The following ZBBX variants were observed in gnomAD, a reference collection of about 807,000 sequenced individuals.
ZBBX encodes the protein zinc finger B-box domain containing.
ZBBX carries 101 observed loss-of-function variants against 108.5 expected under a neutral mutation model. That is an observed-to-expected ratio of 0.93 (90% CI 0.79 to 1.10). The LOEUF (loss-of-function observed/expected upper bound fraction) is 1.10, where lower values mean the gene tolerates loss of function less well. ZBBX is among the 50% of genes least tolerant of loss of function. The pLI is 0.00. For missense variants in ZBBX, 1,009 were observed against 941.4 expected (o/e 1.07, Z -0.94); for synonymous variants, 356 against 323.4 (o/e 1.10, Z -1.08).
At chr3:167,206,713 G>A in the ZBBX span, among the ~76,000 whole-genome samples, 1 of 151,882 alleles carries the variant, frequency 6.6e-6, no homozygotes, top group South Asian at 2.1e-4. Flanking sequence ...AAAAGTTGGA[G>A]GCATCACATT....
chr3:167,330,937 C>CTT, intron 10 of ZBBX, among the ~76,000 whole-genome samples: 2 of 101,866 alleles, frequency 2.0e-5, no homozygotes, highest in Middle Eastern at 4.9e-3. Flanking sequence ...TCTCTCTCCT[C>CTT]TCTTTCTTTC....
chr3:167,220,269 G>A, the ZBBX span, among the ~76,000 whole-genome samples: 5 of 151,718 alleles, frequency 3.3e-5, no homozygotes, highest in South Asian at 2.1e-4. Flanking sequence ...AAAATCAGAC[G>A]AAGACACATC....
At chr3:167,276,293 G>A (rs985614677) in intron 20 of ZBBX, among the ~76,000 whole-genome samples, 27 of 151,466 alleles carry the variant, frequency 1.8e-4, no homozygotes, top group South Asian at 4.1e-4. Flanking sequence ...AAATTACTCC[G>A]CGCTACGGGA....
chr3:167,195,681 AT>A, the ZBBX span, among the ~76,000 whole-genome samples: 1 of 152,176 alleles, frequency 6.6e-6, no homozygotes, highest in African/African-American at 2.4e-5. Context: ...TTATAAAATC[AT>A]TGTATATGCT....
intron 1 of ZBBX, among the ~76,000 whole-genome samples, chr3:167,392,253 A>AG (rs1560215602): frequency 6.6e-6 from 1 of 151,850 alleles, no homozygotes; most frequent in Non-Finnish European, 1.5e-5. Flanking sequence ...GTCATTACTG[A>AG]GGACTATTCT....
chr3:167,317,541 T>A lies in ZBBX; in HGVS notation c.1040A>T (p.Glu347Val), dbSNP rs1181436298. The change falls in exon 13 of 22, where the codon GAA becomes GTA. Residue 347 changes from glutamate to valine, a missense_variant. Physicochemically the swap from Glu to Val is moderately radical, Grantham distance 121. Transcript: ENST00000675490. ...AGAACACTGTGCATCACCAGTGGTT[T>A]CATGTGGATGTGGGAACGTATCTGG... ...MLPDTFPHPH[E>V]TTGDAQCSQN... The A allele has an allele frequency of 6.2e-7, 1 of 1,611,264 alleles. No homozygotes were observed.
intron 9 of ZBBX, among the ~76,000 whole-genome samples, chr3:167,347,983 C>T (rs529620709): frequency 3.3e-5 from 5 of 151,904 alleles, no homozygotes; most frequent in Non-Finnish European, 5.9e-5. Context: ...GATTTGTGTA[C>T]ATATTATGTA....
chr3:167,291,352 A>G (rs1730663526), intron 18 of ZBBX, among the ~76,000 whole-genome samples: 1 of 152,080 alleles, frequency 6.6e-6, no homozygotes, highest in African/African-American at 2.4e-5. Flanking sequence ...GACTAACAGC[A>G]GATCTCTCAG....
intron 8 of ZBBX, among the ~76,000 whole-genome samples, chr3:167,356,343 G>T (rs866766799): frequency 7.2e-5 from 11 of 151,990 alleles, no homozygotes; most frequent in Middle Eastern, 6.8e-3. Flanking sequence ...TACCAAGAGC[G>T]GGGGTTTTAC....
chr3:167,365,140 C>T (rs1745139512), intron 6 of ZBBX, among the ~76,000 whole-genome samples: 1 of 151,472 alleles, frequency 6.6e-6, no homozygotes, highest in African/African-American at 2.4e-5. Flanking sequence ...GGGAATGACA[C>T]CAGAGAATAA....
chr3:167,186,660 C>A, the ZBBX span, among the ~76,000 whole-genome samples: 3 of 152,084 alleles, frequency 2.0e-5, no homozygotes, highest in African/African-American at 4.8e-5. Context: ...AAATGACAGA[C>A]CTCAGTAAAT....
At chr3:167,301,683 C>T (rs959420636) in intron 17 of ZBBX, among the ~76,000 whole-genome samples, 8 of 152,078 alleles carry the variant, frequency 5.3e-5, no homozygotes, top group African/African-American at 1.7e-4. Flanking sequence ...TTTGGACGGG[C>T]GCAGTGGCTC....
At chr3:167,277,759 T>G (rs947462694) in intron 20 of ZBBX, among the ~76,000 whole-genome samples, 9 of 152,068 alleles carry the variant, frequency 5.9e-5, no homozygotes, top group African/African-American at 4.8e-5. Context: ...CTAATAGACA[T>G]CTACAGAACT....
rs148701020 is a variant in ZBBX at position 167,371,798 on chromosome 3, G to A, written c.68+1036C>T. Among the ~76,000 whole-genome samples the A allele has an allele frequency of 5.5e-3, 838 of 152,140 alleles. 6 individuals are homozygous for A. The highest frequency in any genetic ancestry group is 0.019 in the African/African-American group (809 of 41,500). The stretch of plus-strand genomic sequence containing the variant: ...GCCATATATTTTTATAACATTTCCA[G>A]TTTACACAATACTTTTATACCCCAT... On this transcript the variant is annotated intron_variant, in intron 4 of 21. Coordinates refer to ENST00000675490, the MANE Select transcript of ZBBX (RefSeq NM_001199201.2).
intron 20 of ZBBX, among the ~76,000 whole-genome samples, chr3:167,258,657 A>C (rs545434386): frequency 6.6e-6 from 1 of 151,986 alleles, no homozygotes; most frequent in Non-Finnish European, 1.5e-5. Flanking sequence ...TTGTTTGCTG[A>C]TTTTGCCGAG....
At chr3:167,317,875 T>C (rs1370504221) in intron 12 of ZBBX, among the ~76,000 whole-genome samples, 1 of 152,024 alleles carries the variant, frequency 6.6e-6, no homozygotes, top group Admixed American at 6.6e-5. Context: ...TACAAGTCAG[T>C]GTTCTCTCAA....
At chr3:167,243,059 A>G (rs1720953047) in intron 20 of ZBBX, among the ~76,000 whole-genome samples, 1 of 152,220 alleles carries the variant, frequency 6.6e-6, no homozygotes, top group Admixed American at 6.5e-5. Flanking sequence ...TAGCCTTGGC[A>G]AAGTTGCTCT....
the ZBBX span, among the ~76,000 whole-genome samples, chr3:167,232,848 T>C: frequency 6.6e-6 from 1 of 151,806 alleles, no homozygotes; most frequent in African/African-American, 2.4e-5. Context: ...AAGAATGGCC[T>C]TGAAGAGGTC....
At chr3:167,246,663 T>C (rs969459918) in intron 20 of ZBBX, among the ~76,000 whole-genome samples, 1 of 152,248 alleles carries the variant, frequency 6.6e-6, no homozygotes, top group South Asian at 2.1e-4. Flanking sequence ...TTTTTAACTA[T>C]TGAAGAAGTA....
Sources: gnomAD v4.1 joint callset for allele counts (sites outside exome capture counted in the v4.1 genomes callset) on GRCh38, gnomAD v4.1.1 for gene constraint, MANE v1.5 for transcripts, NCBI Gene and HGNC (gene_info 2026-07-23, HGNC 2026-07-21) for gene names.